Variants in EYA4 observed in about 807,000 individuals in gnomAD.
The protein encoded by EYA4 is protein phosphatase EYA4.
EYA4 carries 31 observed loss-of-function variants against 87.9 expected under a neutral mutation model. That is an observed-to-expected ratio of 0.35 (90% confidence interval 0.27 to 0.48). The LOEUF is 0.48. Ranked by LOEUF, EYA4 falls within the 20% of genes least tolerant of loss-of-function variation. The pLI, the probability that EYA4 is intolerant of heterozygous loss-of-function variation, is 0.99. For synonymous variants in EYA4, 263 were observed against 270.6 expected (o/e 0.97, Z 0.28); for missense variants, 678 against 761.4 (o/e 0.89, Z 1.29).
intron 13 of EYA4, among the ~76,000 whole-genome samples, chr6:133,499,653 C>T (rs543123562): frequency 6.6e-6 from 1 of 152,208 alleles, no homozygotes; most frequent in South Asian, 2.1e-4. Context: ...AGCTTTTCAC[C>T]TTTACCAGCT....
intron 2 of EYA4, among the ~76,000 whole-genome samples, chr6:133,326,157 G>T (rs1455982880): frequency 6.6e-6 from 1 of 152,160 alleles, no homozygotes; most frequent in East Asian, 1.9e-4. Context: ...CACCCTTCTG[G>T]CCAGAGCAGC....
At position 133,528,730 on chromosome 6, in the gene EYA4, C is replaced by T. The variant is rs142721902; in HGVS notation, c.1845C>T (p.Asn615=). The part of the protein sequence containing the change: ...VEEEQAAKKH[N]MPFWRISSHS... ...TCCTTCTCCTAACCACACAGCACAA[C>T]ATGCCCTTCTGGAGGATATCCAGTC... Residue 615 remains asparagine, a synonymous_variant, in exon 20 of 20, where the codon AAC becomes AAT. Transcript: ENST00000355286. The T allele has an allele frequency of 0.012, 19,965 of 1,611,356 alleles. 201 individuals carry two copies. Among genetic ancestry groups the T allele is most frequent in the Middle Eastern group, 0.025 (151 of 6,058 alleles).
intron 3 of EYA4, among the ~76,000 whole-genome samples, chr6:133,383,545 A>AAAAAAAAAAG (rs1312860441): frequency 6.7e-6 from 1 of 149,504 alleles, no homozygotes; most frequent in Non-Finnish European, 1.5e-5. Context: ...AAAAAAAAAA[A>AAAAAAAAAAG]TGTAATGGCC....
rs185371327 is a variant in EYA4 at position 133,289,731 on chromosome 6, A to G, written c.33+14918A>G. Among the ~76,000 whole-genome samples the G allele has an allele frequency of 1.8e-3, 281 of 152,260 alleles. 6 individuals are homozygous for G. Among genetic ancestry groups the G allele is most frequent in the East Asian group, 1.5e-3 (8 of 5,176 alleles). ...ACTAAAGTTAGCTGACATTGACTTT[A>G]AAAGTACTTGCCTCAAAGTACTTGA... On this transcript the variant is annotated intron_variant, in intron 2 of 19. Coordinates refer to ENST00000355286, the MANE Select transcript of EYA4 (RefSeq NM_004100.5).
chr6:133,412,812 G>A (rs1241628490), intron 3 of EYA4, among the ~76,000 whole-genome samples: 1 of 151,998 alleles, frequency 6.6e-6, no homozygotes, highest in Non-Finnish European at 1.5e-5. Flanking sequence ...TTACATTGTG[G>A]CCTTTGGCTG....
intron 2 of EYA4, among the ~76,000 whole-genome samples, chr6:133,344,401 A>T (rs1783045673): frequency 6.6e-6 from 1 of 152,224 alleles, no homozygotes; most frequent in Non-Finnish European, 1.5e-5. Flanking sequence ...CGAATTTAAG[A>T]GTCCAAAACT....
intron 2 of EYA4, among the ~76,000 whole-genome samples, chr6:133,283,665 A>G (rs1777806457): frequency 6.6e-6 from 1 of 152,190 alleles, no homozygotes; most frequent in Non-Finnish European, 1.5e-5. Context: ...TTTATTCCAG[A>G]ATCCATACTG....
intron 3 of EYA4, among the ~76,000 whole-genome samples, chr6:133,390,537 T>G (rs1171257108): frequency 6.6e-6 from 1 of 152,212 alleles, no homozygotes; most frequent in Non-Finnish European, 1.5e-5. Flanking sequence ...TCCCTTATTT[T>G]ACTCTGTTAA....
chr6:133,441,082 T>G (rs983849269), intron 3 of EYA4, among the ~76,000 whole-genome samples: 2 of 152,196 alleles, frequency 1.3e-5, no homozygotes, highest in Non-Finnish European at 2.9e-5. Context: ...CCATTACTTA[T>G]TCCAATATTA....
chr6:133,456,861 A>G (rs1177814468), intron 6 of EYA4, among the ~76,000 whole-genome samples: 1 of 152,214 alleles, frequency 6.6e-6, no homozygotes, highest in African/African-American at 2.4e-5. Flanking sequence ...TTTAGTTGAC[A>G]GCAAAAGTCC....
At chr6:133,358,695 C>T (rs1438781974) in intron 2 of EYA4, among the ~76,000 whole-genome samples, 1 of 152,108 alleles carries the variant, frequency 6.6e-6, no homozygotes, top group Non-Finnish European at 1.5e-5. Context: ...GAGTGCTATT[C>T]TGCTCCAGGC....
chr6:133,478,360 A>G (rs1251878513), intron 11 of EYA4, among the ~76,000 whole-genome samples: 1 of 152,162 alleles, frequency 6.6e-6, no homozygotes, highest in South Asian at 2.1e-4. Context: ...ACAAGAATGT[A>G]TATAGCAGCT....
intron 11 of EYA4, among the ~76,000 whole-genome samples, chr6:133,480,392 G>GA (rs2128704782): frequency 6.6e-6 from 1 of 152,244 alleles, no homozygotes; most frequent in East Asian, 1.9e-4. Flanking sequence ...GCATTTTGGG[G>GA]AACTGAAGCT....
At position 133,448,183 on chromosome 6, in the gene EYA4, T is replaced by G. The variant is rs1166632339; in HGVS notation, c.277+4T>G. The G allele has an allele frequency of 1.2e-6, 2 of 1,607,862 alleles. No individual in the cohort carries two copies. Among genetic ancestry groups the G allele is most frequent in the Non-Finnish European group, 8.5e-7 (1 of 1,174,292 alleles). On this transcript the variant is annotated splice_donor_region_variant and intron_variant, in intron 5 of 19. Coordinates refer to ENST00000355286, the MANE Select transcript of EYA4 (RefSeq NM_004100.5). ...AACACCCCCTCTTCTGCAACAAGTA[T>G]GAGAGATGCTGGTACACTGCATGTG...
rs570785095 is a variant in EYA4, at chr6:133,302,190, G to A, written c.33+27377G>A. ...TTAAAAGAATGTAAGCAATAATAGG[G>A]TGGGATTTCCTTATCTGTTTTATTT... is the stretch of plus-strand genomic sequence containing the variant. On this transcript the variant is annotated intron_variant, in intron 2 of 19. Transcript: ENST00000355286. Among the ~76,000 whole-genome samples the A allele has an allele frequency of 1.4e-3, 220 of 152,206 alleles. 1 individual carries two copies. Among genetic ancestry groups the A allele is most frequent in the Admixed American group, 3.5e-3 (54 of 15,290 alleles).
intron 2 of EYA4, among the ~76,000 whole-genome samples, chr6:133,339,861 G>A (rs1782653055): frequency 6.6e-6 from 1 of 152,174 alleles, no homozygotes; most frequent in African/African-American, 2.4e-5. Context: ...TGACTTTGAG[G>A]CAGCGAAGGA....
intron 1 of EYA4, among the ~76,000 whole-genome samples, chr6:133,245,737 CTT>C (rs1562200089): frequency 6.6e-6 from 1 of 152,160 alleles, no homozygotes; most frequent in African/African-American, 2.4e-5. Flanking sequence ...TGGAGCCAAA[CTT>C]GGCGTCATTT....
intron 3 of EYA4, among the ~76,000 whole-genome samples, chr6:133,446,391 TA>T (rs1444734388): frequency 8.5e-5 from 13 of 152,166 alleles, no homozygotes; most frequent in Non-Finnish European, 1.9e-4. Context: ...AATAACGTGT[TA>T]TGTTATTACA....
At chr6:133,329,047 A>G (rs1232601676) in intron 2 of EYA4, among the ~76,000 whole-genome samples, 4 of 152,206 alleles carry the variant, frequency 2.6e-5, no homozygotes, top group East Asian at 3.9e-4. Context: ...AGCCTCTGTT[A>G]GGGTAATATG....
Sources: gnomAD v4.1 joint callset for allele counts (sites outside exome capture counted in the v4.1 genomes callset) on GRCh38, gnomAD v4.1.1 for gene constraint, MANE v1.5 for transcripts, NCBI Gene and HGNC (gene_info 2026-07-23, HGNC 2026-07-21) for gene names.